Variants in CCDC197 observed in about 807,000 individuals in gnomAD.
CCDC197 encodes the protein uncharacterized protein CCDC197.
CCDC197 carries 24 observed loss-of-function variants against 13.4 expected under a neutral mutation model. The ratio of observed to expected loss-of-function variants is 1.80; its 90% CI spans 1.30 to 2.53. The LOEUF is 2.53. Ranked by LOEUF, CCDC197 falls within the 30% of genes most tolerant of loss-of-function variation. The pLI is 0.00. For synonymous variants in CCDC197, 99 were observed against 55.5 expected (o/e 1.78, Z -3.48); for missense variants, 255 against 148.8 (o/e 1.71, Z -3.71).
rs142025371 is a variant in CCDC197, at chr14:94,003,331, A to G, written c.475A>G (p.Thr159Ala). 1.9e-3 allele frequency: 1,482 copies of G among 763,516 alleles called. 18 individuals carry two copies. The African/African-American group carries it at 0.022, about 11-fold the overall frequency. The allele number at this position is 763,516 out of a possible 1,614,324, so 47.3% of individuals were successfully genotyped here. A position where few individuals can be genotyped will look rare whatever the true frequency, so the allele number is the denominator to read the frequency against. Residue 159 changes from threonine to alanine, a missense_variant, in exon 5 of 7, where the codon ACA (threonine) becomes GCA (alanine). Coordinates refer to ENST00000636493, the MANE Select transcript of CCDC197 (RefSeq NM_001351596.2). This position sits in a 1 kb window ranked among gnomAD's most constrained non-coding sequence, Gnocchi z 5.0. ...TTACCAGAAGGACATTGACTTTGAC[A>G]CACACACCAGCAGCAGCTATAATGT... ...ITYQKDIDFD[T>A]HTSSSYNDQL...
intron 6 of CCDC197, among the ~76,000 whole-genome samples, chr14:94,008,076 G>C (rs1890736590): frequency 6.6e-6 from 1 of 151,974 alleles, no homozygotes; most frequent in Non-Finnish European, 1.5e-5. Context: ...TAGTCACAGT[G>C]TATTAATTTC....
intron 3 of CCDC197, among the ~76,000 whole-genome samples, chr14:93,999,961 C>T (rs542376057): frequency 1.3e-5 from 2 of 152,158 alleles, no homozygotes. Flanking sequence ...ATGAAGTCAT[C>T]CTTTATAAGC....
In CCDC197 at chr14:93,991,095, G is replaced by T. The variant is rs114817959; in HGVS notation, c.-107+3699G>T. On this transcript the variant is annotated intron_variant, in intron 1 of 7. Coordinates refer to the CCDC197 transcript ENST00000640978. The stretch of plus-strand genomic sequence containing the variant: ...ACCTTCATGCCAACATTAAGAAAGT[G>T]GTTTTAATAGGAAGAGACTTTCTGT... Among the ~76,000 whole-genome samples, 842 of 152,254 alleles carry T rather than the reference G, an allele frequency of 5.5e-3. 9 individuals are homozygous for T. The highest frequency in any genetic ancestry group is 0.019 in the African/African-American group (806 of 41,540).
At chr14:93,994,279 T>A (rs932813929), upstream of CCDC197, among the ~76,000 whole-genome samples, 110 of 152,224 alleles carry the variant, frequency 7.2e-4, 2 homozygotes, top group Non-Finnish European at 1.1e-3. Context: ...AGCCCAGCAT[T>A]TTCATTTTGT....
chr14:93,987,852 T>C (rs1010589105), intron 1 of CCDC197, among the ~76,000 whole-genome samples: 4 of 149,624 alleles, frequency 2.7e-5, no homozygotes, highest in African/African-American at 5.0e-5. Flanking sequence ...TGAGCCCTGC[T>C]AAGTGCCAGA....
upstream of CCDC197, among the ~76,000 whole-genome samples, chr14:93,993,312 G>C (rs1294536175): frequency 6.6e-6 from 1 of 152,204 alleles, no homozygotes; most frequent in East Asian, 1.9e-4. Flanking sequence ...AAAAGTTTCC[G>C]CTTTTCCCTG....
At position 94,003,983 on chromosome 14, in the gene CCDC197, AG is replaced by A. The variant is rs1890611691; in HGVS notation, c.498+631del. Among the ~76,000 whole-genome samples the A allele has an allele frequency of 6.6e-6, 1 of 152,216 alleles. No individual in the cohort carries two copies. The highest frequency in any genetic ancestry group is 6.5e-5 in the Admixed American group (1 of 15,290). On this transcript the variant is annotated intron_variant, in intron 5 of 6. Coordinates refer to ENST00000636493, the MANE Select transcript of CCDC197 (RefSeq NM_001351596.2). The surrounding 1 kb of genome is among the most constrained non-coding windows in gnomAD (Gnocchi z 5.0). ...TGGTTGTTATGTACTGTCTTCAGTA[AG>A]GCTGGTGTCTCTCTGATCAGAGAGT... is the stretch of plus-strand genomic sequence containing the variant.
intron 6 of CCDC197, among the ~76,000 whole-genome samples, chr14:94,005,385 G>A (rs968726049): frequency 2.0e-5 from 3 of 152,196 alleles, no homozygotes; most frequent in Non-Finnish European, 4.4e-5. Context: ...AAACAGGTAT[G>A]ATCACACTTA....
Position 93,988,993 on chromosome 14 carries a change from G to T in CCDC197, c.-107+1597G>T, listed in dbSNP as rs182673993. 4.6e-5 allele frequency among the ~76,000 whole-genome samples: 7 copies of T among 152,104 alleles called. No homozygotes were observed. In the East Asian group the frequency reaches 1.3e-3, roughly 29 times the overall value. The stretch of plus-strand genomic sequence containing the variant: ...AGAGCCTTAAACCAAGCACTTCTGA[G>T]TGCGGGACGCTGTGTGCCTGCAGAT... On this transcript the variant is annotated intron_variant, in intron 1 of 7. Coordinates refer to the CCDC197 transcript ENST00000640978.
chr14:93,995,567 C>T (rs1309281243), upstream of CCDC197, among the ~76,000 whole-genome samples: 4 of 152,168 alleles, frequency 2.6e-5, no homozygotes, highest in Non-Finnish European at 4.4e-5. Flanking sequence ...GGGAAACTTC[C>T]GGGCCCCAAT....
chr14:94,006,727 A>G (rs1447344431), intron 6 of CCDC197, among the ~76,000 whole-genome samples: 2 of 152,188 alleles, frequency 1.3e-5, no homozygotes, highest in African/African-American at 2.4e-5. Flanking sequence ...TATCAAATAT[A>G]TGATTGCAAA....
At chr14:93,988,867 A>G (rs1890160218) in intron 1 of CCDC197, among the ~76,000 whole-genome samples, 1 of 113,002 alleles carries the variant, frequency 8.8e-6, no homozygotes, top group African/African-American at 3.5e-5. Context: ...AGGGGATGGA[A>G]GGAGGAGATG....
At chr14:94,000,573 GT>G (rs1890464088) in intron 3 of CCDC197, among the ~76,000 whole-genome samples, 1 of 152,070 alleles carries the variant, frequency 6.6e-6, no homozygotes. Context: ...TGCGAGGTGG[GT>G]TTAGGGGTGG....
chr14:93,991,590 G>A (rs775913321), intron 1 of CCDC197, among the ~76,000 whole-genome samples: 2 of 152,224 alleles, frequency 1.3e-5, no homozygotes, highest in Non-Finnish European at 2.9e-5. Context: ...CTCCAGCAGG[G>A]ACAATTCGGT....
intron 5 of CCDC197, among the ~76,000 whole-genome samples, 167 bp from the exon 6 acceptor site, chr14:94,004,688 G>C (rs1404084452): frequency 1.3e-5 from 2 of 152,162 alleles, no homozygotes; most frequent in Non-Finnish European, 2.9e-5. Flanking sequence ...ACGTAGGGAG[G>C]AACTCAACCG....
chr14:93,994,327 T>C (rs1008525211), upstream of CCDC197, among the ~76,000 whole-genome samples: 7 of 152,362 alleles, frequency 4.6e-5, 1 homozygote, highest in African/African-American at 4.8e-5. Flanking sequence ...CCCTGTTACC[T>C]TGTATTAACT....
downstream of CCDC197, among the ~76,000 whole-genome samples, chr14:94,009,822 A>G (rs890709988): frequency 2.0e-5 from 3 of 152,238 alleles, no homozygotes; most frequent in Non-Finnish European, 4.4e-5. Context: ...GTCTGCACAG[A>G]AGGCACTTGC....
chr14:93,999,685 G>C lies in CCDC197; in HGVS notation c.187+20G>C. On this transcript the variant is annotated intron_variant, in intron 3 of 6. Coordinates refer to ENST00000636493, the MANE Select transcript of CCDC197 (RefSeq NM_001351596.2). ...CCGAGGGTATGTACACAGCTTCCTC[G>C]GAAAGCCCTTTCTCTCCACAGCCAC... is the stretch of plus-strand genomic sequence containing the variant. The C allele has an allele frequency of 3.8e-6, 3 of 780,526 alleles. No individual in the cohort carries two copies. In the South Asian group the frequency reaches 4.0e-5, roughly 10 times the overall value. The allele number at this position is 780,526 out of a possible 1,614,324, so 48.4% of individuals were successfully genotyped here. A position where few individuals can be genotyped will look rare whatever the true frequency, so the allele number is the denominator to read the frequency against.
chr14:93,998,301 G>T, intron 2 of CCDC197, 66 bp downstream of exon 2: 1 of 739,968 alleles, frequency 1.4e-6, no homozygotes, highest in South Asian at 1.4e-5. Flanking sequence ...TAAGTGGCTG[G>T]ACTTAGCAAA....
Sources: allele counts gnomAD v4.1 joint callset (sites outside exome capture counted in the v4.1 genomes callset), GRCh38; gene constraint gnomAD v4.1.1; non-coding constraint Gnocchi (gnomAD v3.1); transcripts MANE v1.5; gene names NCBI Gene and HGNC (gene_info 2026-07-23, HGNC 2026-07-21).